SLC23A2: variants seen among roughly 807,000 people sequenced by gnomAD.
SLC23A2 encodes the protein Na(+)/L-ascorbic acid transporter 2.
In SLC23A2, 36 loss-of-function variants were observed where a neutral mutation model predicts 73.3. The observed-to-expected ratio is 0.49, with a 90% confidence interval of 0.38 to 0.65. The LOEUF (loss-of-function observed/expected upper bound fraction) is 0.65. Ranked by LOEUF, SLC23A2 falls within the 30% of genes least tolerant of loss-of-function variation. SLC23A2 has a pLI of 0.00. For synonymous variants in SLC23A2, 343 were observed against 327.3 expected (o/e 1.05, Z -0.52); for missense variants, 507 against 841.6 (o/e 0.60, Z 4.92).
intron 3 of SLC23A2, among the ~76,000 whole-genome samples, chr20:4,931,756 G>A (rs760689241): frequency 3.9e-5 from 6 of 151,988 alleles, no homozygotes; most frequent in Admixed American, 6.6e-5. Context: ...GCAACAGAGC[G>A]AGGCCTTGTC....
intron 9 of SLC23A2, among the ~76,000 whole-genome samples, chr20:4,876,024 A>G (rs530596172): frequency 6.6e-6 from 1 of 152,274 alleles, no homozygotes; most frequent in Non-Finnish European, 1.5e-5. Context: ...GCTTCGGTGA[A>G]CTGGTGATCC....
intron 1 of SLC23A2, among the ~76,000 whole-genome samples, chr20:4,982,345 G>A (rs952540777): frequency 3.3e-5 from 5 of 152,164 alleles, no homozygotes; most frequent in African/African-American, 1.2e-4. Context: ...AGACTAGGCT[G>A]GAAGAAATTA....
At chr20:4,909,902 C>T (rs6084932) in intron 4 of SLC23A2, among the ~76,000 whole-genome samples, 70,688 of 152,006 alleles carry the variant, frequency 0.47, 16,671 homozygotes, top group East Asian at 0.65. Context: ...CTCAAAGTTA[C>T]AGAAGACAAG....
At chr20:4,907,784 T>G (rs983547590) in intron 4 of SLC23A2, among the ~76,000 whole-genome samples, 2 of 151,954 alleles carry the variant, frequency 1.3e-5, no homozygotes, top group Non-Finnish European at 2.9e-5. Context: ...TGTTAACAAA[T>G]TAGAAGGATA....
chr20:4,949,596 G>A (rs1334185334), intron 2 of SLC23A2, among the ~76,000 whole-genome samples: 3 of 151,968 alleles, frequency 2.0e-5, no homozygotes, highest in African/African-American at 7.3e-5. Flanking sequence ...TTCTAGTAAT[G>A]CAGCTGTGCA....
Position 4,853,727 on chromosome 20 carries a change from G to A in SLC23A2, c.*3245C>T, listed in dbSNP as rs1210460428. 1 of 152,558 alleles carries A rather than the reference G, an allele frequency of 6.6e-6. No homozygotes were observed. The highest frequency in any genetic ancestry group is 1.5e-5 in the Non-Finnish European group (1 of 68,042). 9.5% of individuals were successfully genotyped at this position (152,558 alleles called of 1,614,324 possible). On this transcript the variant is annotated 3_prime_UTR_variant, in exon 17 of 17. Coordinates refer to ENST00000338244, the MANE Select transcript of SLC23A2 (RefSeq NM_005116.6). ...AACCTCTGTGCGAATTTGTTACCAT[G>A]AAAACGGGAAACCATCAGGACCCAT...
intron 3 of SLC23A2, among the ~76,000 whole-genome samples, chr20:4,921,355 A>G (rs185229447): frequency 2.0e-5 from 3 of 152,204 alleles, no homozygotes; most frequent in East Asian, 3.9e-4. Context: ...ACTTTGGGAG[A>G]CCAATCACTT....
At chr20:4,873,140 A>G (rs1348284441) in intron 11 of SLC23A2, among the ~76,000 whole-genome samples, 1 of 152,254 alleles carries the variant, frequency 6.6e-6, no homozygotes, top group African/African-American at 2.4e-5. Flanking sequence ...TGCTCAGAGC[A>G]GTCATCTTTA....
At chr20:4,900,233 T>C (rs541511199) in intron 5 of SLC23A2, among the ~76,000 whole-genome samples, 2 of 152,360 alleles carry the variant, frequency 1.3e-5, no homozygotes, top group Middle Eastern at 3.4e-3. Flanking sequence ...TACTTATTAC[T>C]TGGATGAATC....
chr20:4,938,332 ATC>A (rs1307235232), intron 2 of SLC23A2, among the ~76,000 whole-genome samples: 2 of 130,630 alleles, frequency 1.5e-5, no homozygotes, highest in African/African-American at 6.0e-5. Context: ...GACTCATTCC[ATC>A]TTTTTTTTTT....
At chr20:4,925,356 A>AC (rs1442175726) in intron 3 of SLC23A2, among the ~76,000 whole-genome samples, 1 of 151,468 alleles carries the variant, frequency 6.6e-6, no homozygotes, top group South Asian at 2.1e-4. Flanking sequence ...ATTTCTCACT[A>AC]TTCCCCTCCC....
At chr20:4,990,893 A>T (rs1248956953) in intron 1 of SLC23A2, among the ~76,000 whole-genome samples, 1 of 146,714 alleles carries the variant, frequency 6.8e-6, no homozygotes, top group African/African-American at 2.5e-5. Context: ...CAAGAGAATC[A>T]CCTGGGAGAA....
At chr20:4,955,722 G>A (rs1016707354) in intron 2 of SLC23A2, among the ~76,000 whole-genome samples, 3 of 152,000 alleles carry the variant, frequency 2.0e-5, no homozygotes, top group Non-Finnish European at 2.9e-5. Context: ...CGTGGAGGTC[G>A]AGGCTGTAGT....
intron 2 of SLC23A2, among the ~76,000 whole-genome samples, chr20:4,966,530 A>G (rs866098949): frequency 6.6e-6 from 1 of 152,200 alleles, no homozygotes; most frequent in African/African-American, 2.4e-5. Context: ...ATGAAAATAA[A>G]AAAGAATGCA....
chr20:4,931,334 G>C (rs1482919663), intron 3 of SLC23A2, among the ~76,000 whole-genome samples: 1 of 152,088 alleles, frequency 6.6e-6, no homozygotes, highest in Non-Finnish European at 1.5e-5. Context: ...GACACAGTGA[G>C]ACCCAGTCTT....
intron 6 of SLC23A2, among the ~76,000 whole-genome samples, chr20:4,893,918 C>T (rs771515892): frequency 4.5e-4 from 68 of 152,220 alleles, no homozygotes; most frequent in Non-Finnish European, 7.4e-4. Flanking sequence ...GCGGGAAAGT[C>T]AGTGTGGTGA....
Position 4,878,357 on chromosome 20 carries a change from T to C in SLC23A2, c.825-3661A>G, listed in dbSNP as rs765361429. 1.2e-3 allele frequency among the ~76,000 whole-genome samples: 189 copies of C among 152,150 alleles called. 2 individuals are homozygous for C. The highest frequency in any genetic ancestry group is 6.0e-4 in the Non-Finnish European group (41 of 68,002). On this transcript the variant is annotated intron_variant, in intron 9 of 16. Coordinates refer to ENST00000338244, the MANE Select transcript of SLC23A2 (RefSeq NM_005116.6). Reference sequence around the variant, plus strand: ...GCCCGCCACTACACCCAGCTAATTTTGTATTTTTAATAGGGATGGAGTTTC... The same window carrying C: ...GCCCGCCACTACACCCAGCTAATTTCGTATTTTTAATAGGGATGGAGTTTC...
chr20:4,981,347 C>A (rs1158715492), intron 1 of SLC23A2, among the ~76,000 whole-genome samples: 2 of 152,200 alleles, frequency 1.3e-5, no homozygotes, highest in East Asian at 3.8e-4. Flanking sequence ...GCAATACGCA[C>A]ATTTCCATCC....
chr20:4,978,257 A>G (rs1239314259), intron 1 of SLC23A2, among the ~76,000 whole-genome samples: 2 of 152,202 alleles, frequency 1.3e-5, no homozygotes, highest in Non-Finnish European at 2.9e-5. Flanking sequence ...GTTAACACAA[A>G]TGGTTCTATT....
Sources: allele counts gnomAD v4.1 joint callset (sites outside exome capture counted in the v4.1 genomes callset), GRCh38; gene constraint gnomAD v4.1.1; transcripts MANE v1.5; gene names NCBI Gene and HGNC (gene_info 2026-07-23, HGNC 2026-07-21).